Variants in MCM8 observed in about 807,000 individuals in gnomAD.
MCM8 encodes the protein minichromosome maintenance 8 homologous recombination repair factor.
A neutral mutation model predicts 98.9 loss-of-function variants in MCM8; 85 were observed. The ratio of observed to expected loss-of-function variants is 0.86; its 90% CI spans 0.72 to 1.03. The LOEUF (loss-of-function observed/expected upper bound fraction) is 1.03. MCM8 is among the 50% of genes least tolerant of loss of function. MCM8 has a pLI of 0.00. For missense variants in MCM8, 951 were observed against 997.8 expected (o/e 0.95, Z 0.63); for synonymous variants, 352 against 338.6 (o/e 1.04, Z -0.44).
At chr20:5,984,650 T>C (rs1297923890) in intron 14 of MCM8, 131 bp from the exon 15 acceptor site, 1 of 667,182 alleles carries the variant, frequency 1.5e-6, no homozygotes. Context: ...GCTATTTGCT[T>C]ATTTCTTTAA....
intron 8 of MCM8, among the ~76,000 whole-genome samples, chr20:5,965,009 A>C (rs2089243575): frequency 6.6e-6 from 1 of 152,212 alleles, no homozygotes; most frequent in African/African-American, 2.4e-5. Flanking sequence ...TGAGGACATT[A>C]GAAACATACT....
At position 5,977,898 on chromosome 20, in the gene MCM8, G is replaced by C; in HGVS notation, c.1418G>C (p.Arg473Pro). ...MLQAACNVAP[R>P]GVYVCGNTTT... is the part of the protein sequence containing the mutation. ...TAGGCAGCGTGCAATGTTGCCCCAC[G>C]TGGCGTGTATGTTTGTGGTAACACC... is the stretch of plus-strand genomic sequence containing the variant. Residue 473 changes from arginine to proline, a missense_variant, in exon 13 of 19, where the codon CGT becomes CCT. By Grantham distance (103) the Arg-to-Pro change is moderately radical. Coordinates refer to ENST00000610722, the MANE Select transcript of MCM8 (RefSeq NM_032485.6). 1 of 1,614,038 alleles carries C rather than the reference G, an allele frequency of 6.2e-7. No homozygotes were observed. Among genetic ancestry groups the C allele is most frequent in the East Asian group, 2.2e-5 (1 of 44,876 alleles).
intron 3 of MCM8, among the ~76,000 whole-genome samples, chr20:5,953,205 A>C (rs1201397404): frequency 6.6e-6 from 1 of 152,210 alleles, no homozygotes; most frequent in Admixed American, 6.5e-5. Context: ...ATTTAAAGAG[A>C]ATCTGAGACA....
At chr20:5,970,485 T>G (rs1049019392) in intron 10 of MCM8, among the ~76,000 whole-genome samples, 1 of 152,178 alleles carries the variant, frequency 6.6e-6, no homozygotes, top group Non-Finnish European at 1.5e-5. Context: ...TTCAGTATTT[T>G]TCCATTTAAG....
In MCM8 at chr20:5,984,783, T is replaced by TG. The variant is rs1300545951; in HGVS notation, c.1740dup (p.Ser581GlufsTer8). The TG allele has an allele frequency of 1.9e-6, 3 of 1,605,100 alleles. No individual in the cohort carries two copies. The highest frequency in any genetic ancestry group is 2.6e-6 in the Non-Finnish European group (3 of 1,172,826). Reference sequence around the variant, plus strand: ...CTTCTTTCTTTCATCCTTCATAGAATGGGGAGTGCACTACTATCCAGATTT... The same window carrying TG: ...CTTCTTTCTTTCATCCTTCATAGAATGGGGGAGTGCACTACTATCCAGATTT... On this transcript the variant is annotated frameshift_variant, in exon 15 of 19. Coordinates refer to ENST00000610722, the MANE Select transcript of MCM8 (RefSeq NM_032485.6). LOFTEE classifies it high-confidence loss of function.
chr20:5,988,623 A>G (rs2089781537), intron 17 of MCM8, among the ~76,000 whole-genome samples: 1 of 152,198 alleles, frequency 6.6e-6, no homozygotes, highest in South Asian at 2.1e-4. Flanking sequence ...CTATAACAAC[A>G]TACCATATAC....
At chr20:5,952,188 AT>A in intron 2 of MCM8, 25 bp downstream of exon 2, 1 of 1,608,204 alleles carries the variant, frequency 6.2e-7, no homozygotes, top group Non-Finnish European at 8.5e-7. Flanking sequence ...TGATTGTTCA[AT>A]TTTTTTCACT....
intron 12 of MCM8, among the ~76,000 whole-genome samples, chr20:5,973,592 G>A (rs1424881519): frequency 6.6e-6 from 1 of 152,184 alleles, no homozygotes; most frequent in Non-Finnish European, 1.5e-5. Flanking sequence ...TGGGCTTTAA[G>A]AACAGTCTGC....
Position 5,994,919 on chromosome 20 carries a change from T to TA in MCM8, c.*536dup, listed in dbSNP as rs1025759407. 3.0e-5 allele frequency: 5 copies of TA among 168,170 alleles called. No individual in the cohort carries two copies. Among genetic ancestry groups the TA allele is most frequent in the South Asian group, 1.2e-4 (1 of 8,142 alleles). 10.4% of individuals were successfully genotyped at this position (168,170 alleles called of 1,614,324 possible). On this transcript the variant is annotated 3_prime_UTR_variant, in exon 19 of 19. Coordinates refer to ENST00000610722, the MANE Select transcript of MCM8 (RefSeq NM_032485.6). The stretch of plus-strand genomic sequence containing the variant: ...TAAAGTAACTCTTGACTCAAAAAAA[T>TA]AAAAAAAATTGTAGTGGTAGCCATG...
At chr20:5,954,268 T>A (rs534656455) in intron 3 of MCM8, among the ~76,000 whole-genome samples, 15 of 152,340 alleles carry the variant, frequency 9.8e-5, no homozygotes, top group African/African-American at 3.4e-4. Context: ...TTAGTTTATG[T>A]GTCTGGCTTT....
chr20:5,982,398 A>T (rs1165267238), intron 13 of MCM8, among the ~76,000 whole-genome samples: 1 of 152,184 alleles, frequency 6.6e-6, no homozygotes, highest in Non-Finnish European at 1.5e-5. Context: ...AAGCATTACG[A>T]GGTAATGTTA....
At chr20:5,972,682 G>A (rs751280077) in intron 11 of MCM8, 1 of 1,118,306 alleles carries the variant, frequency 8.9e-7, no homozygotes, top group Non-Finnish European at 1.2e-6. Flanking sequence ...AGCCTGCCGA[G>A]TAGCTGGGAC....
chr20:5,976,308 C>T (rs2089510227), intron 12 of MCM8, among the ~76,000 whole-genome samples: 1 of 152,140 alleles, frequency 6.6e-6, no homozygotes, highest in Non-Finnish European at 1.5e-5. Context: ...CCTATAGTCC[C>T]AGCTACTAGG....
chr20:5,970,112 T>G (rs1323650363), intron 10 of MCM8, among the ~76,000 whole-genome samples: 1 of 152,160 alleles, frequency 6.6e-6, no homozygotes, highest in Non-Finnish European at 1.5e-5. Context: ...TTTTTGTAAG[T>G]CAAATTTTAT....
At chr20:5,972,820 A>G in intron 11 of MCM8, 1 of 1,413,684 alleles carries the variant, frequency 7.1e-7, no homozygotes, top group Middle Eastern at 1.9e-4. Flanking sequence ...ATGCCTTGCA[A>G]GGTAGCTCTT....
intron 8 of MCM8, chr20:5,965,539 CA>C (rs2089256798): frequency 6.6e-6 from 1 of 152,124 alleles, no homozygotes; most frequent in Non-Finnish European, 1.5e-5. Context: ...TATAGCTCAA[CA>C]AAGAACCAAA....
At chr20:5,987,417 T>A (rs1228617142) in intron 17 of MCM8, 59 bp downstream of exon 17, 5 of 1,421,828 alleles carry the variant, frequency 3.5e-6, no homozygotes, top group Non-Finnish European at 4.9e-6. Flanking sequence ...CCATCTCAAA[T>A]TAGGTAATAG....
intron 12 of MCM8, among the ~76,000 whole-genome samples, chr20:5,975,598 G>A (rs1240308679): frequency 6.7e-6 from 1 of 149,920 alleles, no homozygotes; most frequent in African/African-American, 2.5e-5. Flanking sequence ...CCGGGTTCAC[G>A]CCATTCTCCT....
chr20:5,967,299 T>C (rs557915172), intron 8 of MCM8, 137 bp from the exon 9 acceptor site: 1 of 596,376 alleles, frequency 1.7e-6, no homozygotes, highest in Admixed American at 3.6e-5. Context: ...CTGAAGTAAT[T>C]TTAGATATAC....
Sources: gnomAD v4.1 joint callset for allele counts (sites outside exome capture counted in the v4.1 genomes callset) on GRCh38, gnomAD v4.1.1 for gene constraint, MANE v1.5 for transcripts, NCBI Gene and HGNC (gene_info 2026-07-23, HGNC 2026-07-21) for gene names.